Variants in RORA observed in about 807,000 individuals in gnomAD.
RORA encodes nuclear receptor ROR-alpha.
In RORA, 7 loss-of-function variants were observed where a neutral mutation model predicts 69.5. The ratio of observed to expected loss-of-function variants is 0.10; its 90% CI spans 0.06 to 0.19. The LOEUF is 0.19. Ranked by LOEUF, RORA falls within the 10% of genes least tolerant of loss-of-function variation. The pLI is 1.00. For synonymous variants in RORA, 261 were observed against 240.8 expected, an observed-to-expected ratio of 1.08 and a Z score of -0.78; for missense variants, 457 against 663.0, an observed-to-expected ratio of 0.69 and a Z score of 3.41.
chr15:60,754,811 C>T lies in RORA; in HGVS notation c.167-76125G>A, dbSNP rs575908514. On this transcript the variant is annotated intron_variant, in intron 1 of 10. Coordinates refer to ENST00000335670, the MANE Select transcript of RORA (RefSeq NM_134261.3). ...AATGACTTTCCAGTTGGTGGCAAAG[C>T]TGGAAATAGGGCTCCATTCTCTTGC... Among the ~76,000 whole-genome samples, 10 of 152,258 alleles carry T rather than the reference C, an allele frequency of 6.6e-5. No homozygotes were observed. In the South Asian group the frequency reaches 8.3e-4, roughly 13 times the overall value.
chr15:60,519,556 TAGGC>T (rs2066088284), intron 3 of RORA, among the ~76,000 whole-genome samples: 2 of 152,202 alleles, frequency 1.3e-5, no homozygotes, highest in Non-Finnish European at 2.9e-5. Flanking sequence ...ACCATTAAAT[TAGGC>T]AGTGTAAAAA....
In RORA at chr15:60,932,030, A is replaced by G. The variant is rs1325038599; in HGVS notation, c.167-253344T>C. Among the ~76,000 whole-genome samples the G allele has an allele frequency of 2.1e-5, 3 of 141,750 alleles. No individual in the cohort carries two copies. The East Asian group carries it at 5.8e-4, about 27-fold the overall frequency. 93.0% of individuals were successfully genotyped at this position (141,750 alleles called of 152,430 possible). On this transcript the variant is annotated intron_variant, in intron 1 of 10. Transcript: ENST00000335670. ...CAATATCTAGAAAAATATTGAATCA[A>G]GAGTTTTTTTTTTTAAATGAAGATC...
At chr15:61,138,841 A>T (rs953624116) in intron 1 of RORA, among the ~76,000 whole-genome samples, 1 of 151,986 alleles carries the variant, frequency 6.6e-6, no homozygotes, top group African/African-American at 2.4e-5. Flanking sequence ...ATAAAAAAAT[A>T]AATTAAATTT....
chr15:60,885,521 T>C (rs1259275392), intron 1 of RORA, among the ~76,000 whole-genome samples: 1 of 152,226 alleles, frequency 6.6e-6, no homozygotes, highest in Non-Finnish European at 1.5e-5. Flanking sequence ...TATAACAAAA[T>C]GGTTGCGGCT....
At chr15:61,069,085 T>C (rs1283648936) in intron 1 of RORA, among the ~76,000 whole-genome samples, 1 of 152,176 alleles carries the variant, frequency 6.6e-6, no homozygotes, top group African/African-American at 2.4e-5. Flanking sequence ...ATAGCAAAAA[T>C]GGCTATGCAG....
chr15:60,929,477 C>T (rs1223960259), intron 1 of RORA, among the ~76,000 whole-genome samples: 1 of 152,180 alleles, frequency 6.6e-6, no homozygotes, highest in African/African-American at 2.4e-5. Flanking sequence ...TATTTCCATC[C>T]TCCTGGTTCT....
intron 1 of RORA, among the ~76,000 whole-genome samples, chr15:60,774,096 C>T (rs2072122383): frequency 6.6e-6 from 1 of 152,196 alleles, no homozygotes; most frequent in Non-Finnish European, 1.5e-5. Flanking sequence ...GACAACAGTA[C>T]GTGCCTTTGG....
At chr15:61,177,053 A>G (rs964058444) in intron 1 of RORA, among the ~76,000 whole-genome samples, 4 of 152,226 alleles carry the variant, frequency 2.6e-5, no homozygotes, top group African/African-American at 9.6e-5. Flanking sequence ...CGATGATTGA[A>G]GATTTAAAAG....
At chr15:60,825,350 A>G (rs1454954072) in intron 1 of RORA, among the ~76,000 whole-genome samples, 3 of 152,248 alleles carry the variant, frequency 2.0e-5, no homozygotes, top group African/African-American at 7.2e-5. Flanking sequence ...TAGGCAGAGC[A>G]GTAGAAATGA....
intron 1 of RORA, among the ~76,000 whole-genome samples, chr15:61,082,316 C>T (rs998998654): frequency 1.3e-5 from 2 of 152,262 alleles, no homozygotes; most frequent in South Asian, 4.1e-4. Context: ...TGGTGAAGCC[C>T]CGTCTCTACT....
At chr15:60,685,018 C>T (rs961629373) in intron 1 of RORA, among the ~76,000 whole-genome samples, 3 of 152,250 alleles carry the variant, frequency 2.0e-5, no homozygotes, top group Middle Eastern at 3.4e-3. Flanking sequence ...AGATAATTCA[C>T]GTGGGGCACA....
intron 1 of RORA, among the ~76,000 whole-genome samples, chr15:60,766,116 C>T (rs148400736): frequency 2.3e-4 from 35 of 152,172 alleles, no homozygotes; most frequent in African/African-American, 7.7e-4. Flanking sequence ...GGGCAGGAGT[C>T]AAAAGGTTCA....
intron 1 of RORA, among the ~76,000 whole-genome samples, chr15:60,835,994 T>C (rs545773386): frequency 9.8e-5 from 15 of 152,360 alleles, no homozygotes; most frequent in Admixed American, 6.5e-4. Context: ...ACCTAGAGTG[T>C]TGCCCGATCA....
intron 1 of RORA, among the ~76,000 whole-genome samples, chr15:61,051,075 C>A (rs1334278362): frequency 6.6e-6 from 1 of 152,168 alleles, no homozygotes; most frequent in Non-Finnish European, 1.5e-5. Flanking sequence ...AACAACCACA[C>A]AACGTAATGC....
chr15:60,552,665 T>C (rs1178472090), intron 2 of RORA, among the ~76,000 whole-genome samples: 1 of 152,232 alleles, frequency 6.6e-6, no homozygotes. Flanking sequence ...CCTCAGGTCT[T>C]TCCTTCTAGT....
At chr15:60,942,310 G>T (rs1223388343) in intron 1 of RORA, among the ~76,000 whole-genome samples, 2 of 152,264 alleles carry the variant, frequency 1.3e-5, no homozygotes, top group Non-Finnish European at 2.9e-5. Flanking sequence ...CAGCAGAGCT[G>T]GGATATACAC....
intron 2 of RORA, among the ~76,000 whole-genome samples, chr15:60,664,100 C>T (rs933858592): frequency 6.6e-6 from 1 of 152,164 alleles, no homozygotes; most frequent in Non-Finnish European, 1.5e-5. Flanking sequence ...CTAAATGATA[C>T]TGTCCCTGAG....
In RORA at chr15:61,223,278, C is replaced by G. The variant is rs535644077; in HGVS notation, c.166+5775G>C. Among the ~76,000 whole-genome samples the G allele has an allele frequency of 9.8e-5, 13 of 132,734 alleles. No homozygotes were observed. In the South Asian group the frequency reaches 3.3e-3, roughly 34 times the overall value. The allele number at this position is 132,734 out of a possible 152,430, so 87.1% of individuals were successfully genotyped here. On this transcript the variant is annotated intron_variant, in intron 1 of 10. Coordinates refer to ENST00000335670, the MANE Select transcript of RORA (RefSeq NM_134261.3). ...GTACTGAGCTGAGATCGTGCCACTG[C>G]ACTCCAGCCTGGGAGACACAGCGAA...
chr15:61,179,971 A>C (rs1177480162), intron 1 of RORA, among the ~76,000 whole-genome samples: 1 of 146,532 alleles, frequency 6.8e-6, no homozygotes, highest in African/African-American at 2.5e-5. Context: ...ACCCGTTTCT[A>C]CTAAAAAAAA....
Sources: gnomAD v4.1 joint callset for allele counts (sites outside exome capture counted in the v4.1 genomes callset) on GRCh38, gnomAD v4.1.1 for gene constraint, MANE v1.5 for transcripts, NCBI Gene and HGNC (gene_info 2026-07-23, HGNC 2026-07-21) for gene names.